ZZZ3: variants seen among roughly 807,000 people sequenced by gnomAD.
The protein encoded by ZZZ3 is ZZ-type zinc finger-containing protein 3.
A neutral mutation model predicts 95.2 loss-of-function variants in ZZZ3; 22 were observed. That is an observed-to-expected ratio of 0.23 (90% CI 0.17 to 0.33). The LOEUF is 0.33. Ranked by LOEUF, ZZZ3 falls within the 10% of genes least tolerant of loss-of-function variation. The probability of loss-of-function intolerance (pLI) is 1.00; values close to 1 mark genes in which losing one functional copy is unlikely to be tolerated. For missense variants in ZZZ3, 885 were observed against 1,066.5 expected, an observed-to-expected ratio of 0.83 and a Z score of 2.37; for synonymous variants, 335 against 358.9, an observed-to-expected ratio of 0.93 and a Z score of 0.75.
intron 13 of ZZZ3, among the ~76,000 whole-genome samples, chr1:77,566,931 G>T (rs901145511): frequency 2.2e-4 from 33 of 152,286 alleles, no homozygotes; most frequent in South Asian, 2.1e-4. Context: ...AGCCATGGCT[G>T]GGTTTTGCAG....
At chr1:77,621,259 C>T (rs941199822) in intron 5 of ZZZ3, among the ~76,000 whole-genome samples, 7 of 152,000 alleles carry the variant, frequency 4.6e-5, no homozygotes, top group African/African-American at 1.4e-4. Context: ...TTGGGAGGAT[C>T]ACTTGACACC....
intron 11 of ZZZ3, among the ~76,000 whole-genome samples, chr1:77,578,410 T>C (rs1662176096): frequency 2.6e-5 from 4 of 152,188 alleles, no homozygotes; most frequent in South Asian, 4.1e-4. Context: ...TTCTTGGATT[T>C]ATGTAGCATT....
intron 5 of ZZZ3, 87 bp from the exon 6 acceptor site, chr1:77,584,742 A>T: frequency 9.3e-7 from 1 of 1,075,606 alleles, no homozygotes; most frequent in Non-Finnish European, 1.3e-6. Context: ...TCTACTATTA[A>T]GTCACACAGT....
chr1:77,592,028 T>C (rs1465709507), intron 5 of ZZZ3, among the ~76,000 whole-genome samples: 1 of 151,956 alleles, frequency 6.6e-6, no homozygotes, highest in Non-Finnish European at 1.5e-5. Context: ...CTCTCCCCAT[T>C]AAGCTGGGAC....
At chr1:77,649,353 C>A (rs749972918) in intron 1 of ZZZ3, among the ~76,000 whole-genome samples, 12 of 151,396 alleles carry the variant, frequency 7.9e-5, no homozygotes, top group Non-Finnish European at 1.5e-4. Flanking sequence ...CTTTGACGTA[C>A]TGAAAAAAGT....
rs997511364 is a variant in ZZZ3 at position 77,600,884 on chromosome 1, A to C, written c.1506-16229T>G. ...AGGAATCAATTACACAGTGCTCTAT[A>C]AAACCAAGACTGGACTCAGACTAGA... On this transcript the variant is annotated intron_variant, in intron 5 of 14. Coordinates refer to ENST00000370801, the MANE Select transcript of ZZZ3 (RefSeq NM_015534.6). Among the ~76,000 whole-genome samples the C allele has an allele frequency of 2.6e-5, 4 of 152,204 alleles. No individual in the cohort carries two copies. In the East Asian group the frequency reaches 7.7e-4, roughly 29 times the overall value.
At chr1:77,659,210 C>T (rs942583947) in intron 1 of ZZZ3, among the ~76,000 whole-genome samples, 2 of 151,944 alleles carry the variant, frequency 1.3e-5, no homozygotes, top group African/African-American at 4.8e-5. Context: ...CTGAATCATA[C>T]TTTACATAGA....
intron 5 of ZZZ3, among the ~76,000 whole-genome samples, chr1:77,612,218 T>C (rs1412298557): frequency 6.6e-6 from 1 of 151,960 alleles, no homozygotes; most frequent in Non-Finnish European, 1.5e-5. Flanking sequence ...ATCAGGGAAA[T>C]GCAAATTAAG....
At chr1:77,669,305 T>C (rs1401095207) in intron 1 of ZZZ3, among the ~76,000 whole-genome samples, 3 of 152,152 alleles carry the variant, frequency 2.0e-5, no homozygotes, top group African/African-American at 4.8e-5. Context: ...ATACATTACA[T>C]AGATTGTGAA....
chr1:77,604,702 A>C (rs1281565994), intron 5 of ZZZ3, among the ~76,000 whole-genome samples: 1 of 152,206 alleles, frequency 6.6e-6, no homozygotes, highest in African/African-American at 2.4e-5. Context: ...TTCAATAAGC[A>C]TTTGATAGTA....
chr1:77,606,938 T>C (rs1665295151), intron 5 of ZZZ3, among the ~76,000 whole-genome samples: 1 of 152,146 alleles, frequency 6.6e-6, no homozygotes, highest in Non-Finnish European at 1.5e-5. Context: ...TGTCCAAGCA[T>C]CTACTACAAG....
chr1:77,610,699 G>A (rs1430272273), intron 5 of ZZZ3, among the ~76,000 whole-genome samples: 1 of 151,464 alleles, frequency 6.6e-6, no homozygotes, highest in Non-Finnish European at 1.5e-5. Context: ...ACAGAATGAA[G>A]GACAAAAACT....
chr1:77,659,258 G>A (rs1246587470), intron 1 of ZZZ3, among the ~76,000 whole-genome samples: 1 of 152,110 alleles, frequency 6.6e-6, no homozygotes, highest in Non-Finnish European at 1.5e-5. Context: ...ATCACTCAAT[G>A]TAGCTTTAAG....
At position 77,584,497 on chromosome 1, in the gene ZZZ3, A is replaced by G; in HGVS notation, c.1644+20T>C. 4 of 1,588,096 alleles carry G rather than the reference A, an allele frequency of 2.5e-6. No homozygotes were observed. In the Middle Eastern group the frequency reaches 5.1e-4, roughly 202 times the overall value. ...TCCCAAATAGATCTTAGTAAATCTTAAAAACAGTTCAATGTATACCTTCTT... is the reference window on the plus strand; with the variant it reads ...TCCCAAATAGATCTTAGTAAATCTTGAAAACAGTTCAATGTATACCTTCTT... On this transcript the variant is annotated intron_variant, in intron 6 of 14. Transcript: ENST00000370801.
chr1:77,575,890 T>C (rs1218105436), intron 12 of ZZZ3, among the ~76,000 whole-genome samples, 178 bp downstream of exon 12: 1 of 152,256 alleles, frequency 6.6e-6, no homozygotes, highest in African/African-American at 2.4e-5. Flanking sequence ...AGGTTCATTA[T>C]ACTATTCTAT....
At chr1:77,659,432 G>C (rs1240468543) in intron 1 of ZZZ3, among the ~76,000 whole-genome samples, 2 of 152,062 alleles carry the variant, frequency 1.3e-5, no homozygotes, top group East Asian at 3.9e-4. Context: ...GGGAGGCCAA[G>C]ATGGGTGAAT....
intron 5 of ZZZ3, among the ~76,000 whole-genome samples, chr1:77,590,697 TTAAATA>T (rs1337788767): frequency 2.6e-5 from 4 of 152,234 alleles, no homozygotes; most frequent in African/African-American, 9.6e-5. Flanking sequence ...ATGGAAAAAT[TTAAATA>T]TAGATTGTGC....
chr1:77,628,626 T>C (rs557232389), intron 5 of ZZZ3, among the ~76,000 whole-genome samples: 68 of 152,310 alleles, frequency 4.5e-4, no homozygotes, highest in Non-Finnish European at 8.1e-4. Flanking sequence ...TGGGATATCT[T>C]TGCACACAAG....
chr1:77,584,709 T>G (rs1662918342), intron 5 of ZZZ3, 54 bp from the exon 6 acceptor site: 1 of 1,449,408 alleles, frequency 6.9e-7, no homozygotes. Flanking sequence ...CAACAATAAA[T>G]AAAAACTGAG....
Sources: gnomAD v4.1 joint callset for allele counts (sites outside exome capture counted in the v4.1 genomes callset) on GRCh38, gnomAD v4.1.1 for gene constraint, MANE v1.5 for transcripts, NCBI Gene and HGNC (gene_info 2026-07-23, HGNC 2026-07-21) for gene names.